ZFPM1: variants seen among roughly 807,000 people sequenced by gnomAD.
ZFPM1 encodes zinc finger protein, FOG family member 1.
ZFPM1 carries 28 observed loss-of-function variants against 46.3 expected under a neutral mutation model. The ratio of observed to expected loss-of-function variants is 0.60; its 90% confidence interval spans 0.45 to 0.83. The LOEUF (loss-of-function observed/expected upper bound fraction) is 0.83. Ranked by LOEUF, ZFPM1 falls within the 40% of genes least tolerant of loss-of-function variation. The pLI, the probability that ZFPM1 is intolerant of heterozygous loss-of-function variation, is 0.00. For synonymous variants in ZFPM1, 957 were observed against 675.9 expected (o/e 1.42, Z -6.45); for missense variants, 1,878 against 1,432.4 (o/e 1.31, Z -5.02).
At chr16:88,472,688 C>T (rs981909197) in intron 1 of ZFPM1, among the ~76,000 whole-genome samples, 1 of 152,218 alleles carries the variant, frequency 6.6e-6, no homozygotes, top group African/African-American at 2.4e-5. Context: ...AAGTGTACAT[C>T]ACATTTACCA....
chr16:88,486,878 C>T (rs1909263084), intron 2 of ZFPM1, among the ~76,000 whole-genome samples: 1 of 152,132 alleles, frequency 6.6e-6, no homozygotes, highest in Non-Finnish European at 1.5e-5. Flanking sequence ...ACAGTGGTGT[C>T]TCCTGCTAAG....
intron 1 of ZFPM1, among the ~76,000 whole-genome samples, chr16:88,462,443 G>C (rs1907940849): frequency 6.6e-6 from 1 of 152,254 alleles, no homozygotes. Context: ...TCGGGGGTCA[G>C]AGAGGGTGGG....
Position 88,461,021 on chromosome 16 carries a change from G to A in ZFPM1, c.40+7343G>A, listed in dbSNP as rs112140378. On this transcript the variant is annotated intron_variant, in intron 1 of 9. Transcript: ENST00000319555. ...CCTGGTGAGGACCGAGGGGTGGGGC[G>A]GGAGGCCTGGTGAGGACCGAGGGGC... Among the ~76,000 whole-genome samples the A allele has an allele frequency of 5.0e-3, 392 of 77,938 alleles. 55 individuals carry two copies. Among genetic ancestry groups the A allele is most frequent in the African/African-American group, 8.2e-3 (142 of 17,294 alleles). 51.1% of individuals were successfully genotyped at this position (77,938 alleles called of 152,430 possible).
chr16:88,459,407 G>A (rs1056043238), intron 1 of ZFPM1, among the ~76,000 whole-genome samples: 19 of 152,266 alleles, frequency 1.2e-4, no homozygotes, highest in African/African-American at 4.3e-4. Flanking sequence ...GTGAGCCTCC[G>A]TTTTCCCATC....
intron 1 of ZFPM1, among the ~76,000 whole-genome samples, chr16:88,466,462 T>G (rs1400581881): frequency 6.6e-6 from 1 of 152,182 alleles, no homozygotes. Context: ...GGCTGGAGGT[T>G]CTGGGGTGTT....
chr16:88,470,287 C>T (rs114751791), intron 1 of ZFPM1, among the ~76,000 whole-genome samples: 3,135 of 152,234 alleles, frequency 0.021, 93 homozygotes, highest in African/African-American at 0.072. Context: ...CGGGTTGGGG[C>T]GGGCAGCCTC....
At chr16:88,483,318 G>C (rs959009665) in intron 1 of ZFPM1, among the ~76,000 whole-genome samples, 3 of 151,796 alleles carry the variant, frequency 2.0e-5, no homozygotes, top group Non-Finnish European at 4.4e-5. Flanking sequence ...GTGGCCCCAG[G>C]ATGAGGGTCC....
At chr16:88,522,789 C>T (rs1033982437) in intron 4 of ZFPM1, among the ~76,000 whole-genome samples, 7 of 152,236 alleles carry the variant, frequency 4.6e-5, no homozygotes, top group African/African-American at 1.7e-4. Context: ...TCCGTGGACC[C>T]TGGACACACC....
intron 1 of ZFPM1, among the ~76,000 whole-genome samples, chr16:88,468,070 G>A (rs1175111473): frequency 1.1e-4 from 3 of 26,918 alleles, no homozygotes; most frequent in Admixed American, 1.1e-3. Context: ...CCACCGCCCC[G>A]ACCCACCCGC....
intron 3 of ZFPM1, among the ~76,000 whole-genome samples, chr16:88,510,690 G>A (rs945193615): frequency 6.6e-6 from 1 of 152,142 alleles, no homozygotes; most frequent in Non-Finnish European, 1.5e-5. Context: ...TCTAGAGATG[G>A]GGAAACTGAG....
At chr16:88,498,217 C>T (rs986902165) in intron 3 of ZFPM1, among the ~76,000 whole-genome samples, 4 of 152,026 alleles carry the variant, frequency 2.6e-5, no homozygotes, top group South Asian at 2.1e-4. Context: ...CCTCAGACCC[C>T]GCCCCACTTC....
intron 1 of ZFPM1, among the ~76,000 whole-genome samples, chr16:88,481,599 C>T (rs369950381): frequency 2.6e-5 from 4 of 152,056 alleles, no homozygotes; most frequent in Admixed American, 2.0e-4. Context: ...GTCCTGCTTA[C>T]GCTACTCCAC....
At position 88,533,311 on chromosome 16, in the gene ZFPM1, C is replaced by A. The variant is rs1391905115; in HGVS notation, c.1353C>A (p.Gly451=). The change falls in exon 10 of 10, where the codon GGC becomes GGA. Residue 451 remains glycine, a synonymous_variant. Coordinates refer to ENST00000319555, the MANE Select transcript of ZFPM1 (RefSeq NM_153813.3). ...ARAEPLAQNG[G]SSEPPAAPRS... is the part of the protein sequence containing the mutation. The stretch of plus-strand genomic sequence containing the variant: ...CGGAGCCTCTGGCCCAGAATGGAGG[C>A]AGCAGCGAGCCCCCGGCGGCCCCCA... 28 of 1,532,166 alleles carry A rather than the reference C, an allele frequency of 1.8e-5. No homozygotes were observed. The highest frequency in any genetic ancestry group is 6.0e-5 in the Admixed American group (3 of 49,958). The allele number at this position is 1,532,166 out of a possible 1,614,324, so 94.9% of individuals were successfully genotyped here. A position where few individuals can be genotyped will look rare whatever the true frequency, so the allele number is the denominator to read the frequency against.
rs572491870 is a variant in ZFPM1 at position 88,457,613 on chromosome 16, C to T, written c.40+3935C>T. Among the ~76,000 whole-genome samples the T allele has an allele frequency of 4.6e-5, 7 of 152,266 alleles. No individual in the cohort carries two copies. The East Asian group carries it at 1.2e-3, about 25-fold the overall frequency. ...TGTCATCTCAGAGTCCTGATCCCAG[C>T]CACGTTTTTCTCTCTTTCTCTCTCT... On this transcript the variant is annotated intron_variant, in intron 1 of 9. Transcript: ENST00000319555.
At chr16:88,456,783 C>T (rs1023952272) in intron 1 of ZFPM1, among the ~76,000 whole-genome samples, 7 of 152,148 alleles carry the variant, frequency 4.6e-5, no homozygotes, top group African/African-American at 1.7e-4. Flanking sequence ...AAAATGGAAT[C>T]AGGAATAGGT....
intron 1 of ZFPM1, among the ~76,000 whole-genome samples, chr16:88,484,134 G>A (rs973940478): frequency 1.3e-5 from 2 of 152,232 alleles, no homozygotes; most frequent in Admixed American, 1.3e-4. Flanking sequence ...ATGAGGGGCT[G>A]TGAAGGAGGA....
At chr16:88,498,040 C>G (rs1016447034) in intron 3 of ZFPM1, among the ~76,000 whole-genome samples, 5 of 152,180 alleles carry the variant, frequency 3.3e-5, no homozygotes, top group Middle Eastern at 3.2e-3. Flanking sequence ...TGTGCTGCCC[C>G]CGATAGCACT....
At position 88,488,458 on chromosome 16, in the gene ZFPM1, C is replaced by T. The variant is rs538324089; in HGVS notation, c.146-573C>T. Among the ~76,000 whole-genome samples the T allele has an allele frequency of 3.3e-5, 5 of 152,354 alleles. No individual in the cohort carries two copies. In the South Asian group the frequency reaches 1.0e-3, roughly 32 times the overall value. On this transcript the variant is annotated intron_variant, in intron 2 of 9. Transcript: ENST00000319555. ...CCTCGCGGTGGCTGGAGCTCAGATG[C>T]CAGCCACTTTGATTTATAGCCAAAA...
intron 1 of ZFPM1, among the ~76,000 whole-genome samples, chr16:88,455,171 G>GTGTGTA (rs1021722570): frequency 4.7e-5 from 7 of 149,130 alleles, no homozygotes; most frequent in African/African-American, 1.7e-4. Context: ...GTGTGTGTGT[G>GTGTGTA]TGGTGTTTCA....
Sources: gnomAD v4.1 joint callset for allele counts (sites outside exome capture counted in the v4.1 genomes callset) on GRCh38, gnomAD v4.1.1 for gene constraint, MANE v1.5 for transcripts, NCBI Gene and HGNC (gene_info 2026-07-23, HGNC 2026-07-21) for gene names.